CSNK2A1: variants seen among roughly 807,000 people sequenced by gnomAD.
The protein encoded by CSNK2A1 is casein kinase 2 alpha 1.
A neutral mutation model predicts 62.9 loss-of-function variants in CSNK2A1; 10 were observed. The ratio of observed to expected loss-of-function variants is 0.16; its 90% CI spans 0.10 to 0.27. The LOEUF (loss-of-function observed/expected upper bound fraction) is 0.27. Among genes scored for constraint, CSNK2A1 ranks in the 10% least tolerant of loss-of-function variants. The pLI, the probability that CSNK2A1 is intolerant of heterozygous loss-of-function variation, is 1.00. For missense variants in CSNK2A1, 160 were observed against 492.0 expected, an observed-to-expected ratio of 0.33 and a Z score of 6.38; for synonymous variants, 124 against 167.8, an observed-to-expected ratio of 0.74 and a Z score of 2.02.
intron 2 of CSNK2A1, among the ~76,000 whole-genome samples, chr20:513,862 C>T (rs193094852): frequency 3.0e-4 from 45 of 152,286 alleles, no homozygotes; most frequent in South Asian, 1.7e-3. Flanking sequence ...TTTTGCAGTA[C>T]CCCCAAAGAG....
At chr20:516,429 A>G (rs181844165) in intron 2 of CSNK2A1, among the ~76,000 whole-genome samples, 1 of 152,334 alleles carries the variant, frequency 6.6e-6, no homozygotes, top group African/African-American at 2.4e-5. Flanking sequence ...ATCGAAGCCA[A>G]CTGCATGGGT....
At chr20:514,265 G>A (rs1337541129) in intron 2 of CSNK2A1, among the ~76,000 whole-genome samples, 1 of 151,866 alleles carries the variant, frequency 6.6e-6, no homozygotes, top group East Asian at 1.9e-4. Flanking sequence ...GATCACTTGA[G>A]CCTGGGAGGT....
At chr20:505,578 G>A (rs1368469650) in intron 3 of CSNK2A1, among the ~76,000 whole-genome samples, 1 of 151,374 alleles carries the variant, frequency 6.6e-6, no homozygotes, top group African/African-American at 2.4e-5. Context: ...TAACCAGGAT[G>A]GTCTCGATCT....
intron 2 of CSNK2A1, among the ~76,000 whole-genome samples, chr20:524,424 A>G (rs1194970943): frequency 6.7e-6 from 1 of 150,242 alleles, no homozygotes; most frequent in Non-Finnish European, 1.5e-5. Flanking sequence ...TCCTTCTCAA[A>G]AAAAAAAAAA....
intron 2 of CSNK2A1, among the ~76,000 whole-genome samples, chr20:514,357 C>A (rs2018786765): frequency 6.6e-6 from 1 of 151,582 alleles, no homozygotes; most frequent in African/African-American, 2.4e-5. Flanking sequence ...AACAAACAAA[C>A]AAACAAACAA....
At chr20:533,625 C>A (rs1323099305) in intron 1 of CSNK2A1, among the ~76,000 whole-genome samples, 7 of 152,216 alleles carry the variant, frequency 4.6e-5, no homozygotes, top group African/African-American at 1.7e-4. Flanking sequence ...TACATACATA[C>A]AAAAAAATTA....
intron 2 of CSNK2A1, among the ~76,000 whole-genome samples, chr20:519,858 G>A (rs1022069740): frequency 6.6e-6 from 1 of 152,158 alleles, no homozygotes; most frequent in Non-Finnish European, 1.5e-5. Flanking sequence ...ACAATACCTT[G>A]AGGAGCTTTA....
Position 508,508 on chromosome 20 carries a change from A to G in CSNK2A1, c.44T>C (p.Val15Ala). The change falls in exon 3 of 14, where the codon GTT becomes GCT. Residue 15 changes from valine (V) to alanine (A), a missense_variant. Physicochemically the swap from Val to Ala is moderately conservative, Grantham distance 64. This residue lies in a region of CSNK2A1 where 15 missense variants were observed against 25.6 expected (regional missense o/e 0.59). Transcript: ENST00000217244. Reference sequence around the variant, plus strand: ...GTATTCTCGAGGTCTGTGTGTATTAACATCTGTGTAAACTCTGGCCCTGCT... The same window carrying G: ...GTATTCTCGAGGTCTGTGTGTATTAGCATCTGTGTAAACTCTGGCCCTGCT... Reference protein sequence around the residue: ...VPSRARVYTDVNTHRPREYWD... With the variant: ...VPSRARVYTDANTHRPREYWD... The G allele has an allele frequency of 6.2e-7, 1 of 1,614,132 alleles. No homozygotes were observed. Among genetic ancestry groups the G allele is most frequent in the Admixed American group, 1.7e-5 (1 of 60,014 alleles).
chr20:484,303 G>A (rs894114712), intron 13 of CSNK2A1, among the ~76,000 whole-genome samples: 1 of 152,202 alleles, frequency 6.6e-6, no homozygotes, highest in East Asian at 1.9e-4. Flanking sequence ...GACAATTTAA[G>A]GAGTTTGTCC....
Position 482,846 on chromosome 20 carries a change from C to A in CSNK2A1, c.*1115G>T, listed in dbSNP as rs1490829471. On this transcript the variant is annotated 3_prime_UTR_variant, in exon 14 of 14. Coordinates refer to ENST00000217244, the MANE Select transcript of CSNK2A1 (RefSeq NM_177559.3). ...TAGTTTTCCCACAATTACAGGTCTACCATTTCAGCTTCAATGGAGATAGTG... is the reference window on the plus strand; with the variant it reads ...TAGTTTTCCCACAATTACAGGTCTAACATTTCAGCTTCAATGGAGATAGTG... 1.3e-5 allele frequency: 2 copies of A among 152,628 alleles called. No homozygotes were observed. Among genetic ancestry groups the A allele is most frequent in the Non-Finnish European group, 2.9e-5 (2 of 68,062 alleles). The allele number at this position is 152,628 out of a possible 1,614,324, so 9.5% of individuals were successfully genotyped here.
At chr20:542,457 G>A (rs769853540) in intron 1 of CSNK2A1, among the ~76,000 whole-genome samples, 2 of 152,084 alleles carry the variant, frequency 1.3e-5, no homozygotes, top group African/African-American at 4.8e-5. Context: ...TTTTTGAGGC[G>A]GAGTCTCGCT....
intron 7 of CSNK2A1, 76 bp downstream of exon 7, chr20:497,645 C>A: frequency 7.8e-7 from 1 of 1,281,286 alleles, no homozygotes; most frequent in Non-Finnish European, 1.1e-6. Flanking sequence ...AATCTGCTGG[C>A]TTTTCTACCA....
At chr20:528,176 AC>A (rs1401499246) in intron 1 of CSNK2A1, 127 bp from the exon 2 acceptor site, 1 of 152,092 alleles carries the variant, frequency 6.6e-6, no homozygotes, top group Non-Finnish European at 1.5e-5. Context: ...ATGTTATTTA[AC>A]CTACCTGATT....
intron 2 of CSNK2A1, chr20:526,985 A>AAGAGAGAGAGAGAG (rs1207393871): frequency 1.1e-5 from 1 of 89,996 alleles, no homozygotes; most frequent in Non-Finnish European, 2.3e-5. Flanking sequence ...GAGAGAGAGA[A>AAGAGAGAGAGAGAG]AGAGAGAGAG....
chr20:543,361 T>A, intron 1 of CSNK2A1: 1 of 7,330 alleles, frequency 1.4e-4, no homozygotes, highest in Non-Finnish European at 2.6e-4. Flanking sequence ...GACGACCCCC[T>A]CCTCCAAGTT....
At chr20:537,169 A>G (rs2019350278) in intron 1 of CSNK2A1, among the ~76,000 whole-genome samples, 1 of 152,244 alleles carries the variant, frequency 6.6e-6, no homozygotes, top group Admixed American at 6.5e-5. Flanking sequence ...AAGTATAAAA[A>G]GAAAAGAGCA....
At chr20:510,417 C>T (rs1339725862) in intron 2 of CSNK2A1, 3 of 152,024 alleles carry the variant, frequency 2.0e-5, no homozygotes, top group African/African-American at 7.2e-5. Context: ...TCAGGTGATC[C>T]GCCCTCCTCG....
chr20:492,358 G>A lies in CSNK2A1; in HGVS notation c.517C>T (p.Leu173=). The A allele has an allele frequency of 6.2e-7, 1 of 1,613,890 alleles. No homozygotes were observed. The change falls in exon 9 of 14, where the codon CTA becomes TTA. Residue 173 remains leucine, a synonymous_variant. Coordinates refer to ENST00000217244, the MANE Select transcript of CSNK2A1 (RefSeq NM_177559.3). ...MIDHEHRKLR[L]IDWGLAEFYH... ...AACTCAGCCAAACCCCAGTCTATTA[G>A]TCGTAGCTGAAAAAGAATAAACCAT...
chr20:532,640 G>A (rs1265751367), intron 1 of CSNK2A1, among the ~76,000 whole-genome samples: 1 of 152,080 alleles, frequency 6.6e-6, no homozygotes, highest in East Asian at 1.9e-4. Flanking sequence ...CATCTGTAAC[G>A]CACCCTAACA....
Sources: allele counts gnomAD v4.1 joint callset (sites outside exome capture counted in the v4.1 genomes callset), GRCh38; gene constraint gnomAD v4.1.1; regional missense constraint gnomAD v4.1.1; transcripts MANE v1.5; gene names NCBI Gene and HGNC (gene_info 2026-07-23, HGNC 2026-07-21).